AKAP7: variants seen among roughly 807,000 people sequenced by gnomAD.
AKAP7 encodes A kinase (PRKA) anchor protein 7.
AKAP7 carries 39 observed loss-of-function variants against 39.5 expected under a neutral mutation model. That is an observed-to-expected ratio of 0.99 (90% CI 0.76 to 1.29). AKAP7 has a LOEUF of 1.29. AKAP7 is among the 50% of genes most tolerant of loss of function. The pLI, the probability that AKAP7 is intolerant of heterozygous loss-of-function variation, is 0.00. For synonymous variants in AKAP7, 140 were observed against 139.1 expected (o/e 1.01, Z -0.05); for missense variants, 414 against 407.7 (o/e 1.02, Z -0.13).
Position 131,160,516 on chromosome 6 carries a change from C to T in AKAP7, c.291+318C>T, listed in dbSNP as rs75072445. Among the ~76,000 whole-genome samples, 1,770 of 152,256 alleles carry T rather than the reference C, an allele frequency of 0.012. 122 individuals carry two copies. In the East Asian group the frequency reaches 0.18, roughly 15 times the overall value. Reference sequence around the variant, plus strand: ...ACCTCAGCCTCCAAAAATATTTAGACAATCATATTTAAACGGTAATTTTGC... The same window carrying T: ...ACCTCAGCCTCCAAAAATATTTAGATAATCATATTTAAACGGTAATTTTGC... On this transcript the variant is annotated intron_variant, in intron 3 of 7. Coordinates refer to ENST00000431975, the MANE Select transcript of AKAP7 (RefSeq NM_016377.4).
chr6:131,190,125 A>G (rs1806265512), intron 5 of AKAP7, among the ~76,000 whole-genome samples: 1 of 152,218 alleles, frequency 6.6e-6, no homozygotes, highest in Non-Finnish European at 1.5e-5. Context: ...GGAATATAAA[A>G]TCAGTATTAA....
intron 5 of AKAP7, among the ~76,000 whole-genome samples, chr6:131,185,991 T>C (rs1386716867): frequency 6.6e-6 from 1 of 152,224 alleles, no homozygotes; most frequent in Non-Finnish European, 1.5e-5. Context: ...TTAATTTTTG[T>C]ATATGGTGTA....
chr6:131,205,233 C>T (rs888475770), intron 6 of AKAP7, among the ~76,000 whole-genome samples: 1 of 151,850 alleles, frequency 6.6e-6, no homozygotes, highest in African/African-American at 2.4e-5. Flanking sequence ...TAAAAAGTAA[C>T]CTGAAAAGCT....
At chr6:131,129,090 C>T in the AKAP7 span, among the ~76,000 whole-genome samples, 1 of 151,912 alleles carries the variant, frequency 6.6e-6, no homozygotes, top group Non-Finnish European at 1.5e-5. Context: ...AGTTCGGGAC[C>T]AGCCTAGCCA....
chr6:131,263,532 A>T (rs191301317), intron 7 of AKAP7, among the ~76,000 whole-genome samples: 5 of 152,206 alleles, frequency 3.3e-5, no homozygotes, highest in Non-Finnish European at 5.9e-5. Flanking sequence ...TTTGTGTGTT[A>T]TGGTGTAAAG....
chr6:131,231,166 ACT>A (rs564699435), intron 7 of AKAP7, among the ~76,000 whole-genome samples: 2 of 152,066 alleles, frequency 1.3e-5, no homozygotes, highest in African/African-American at 2.4e-5. Context: ...TGGTTTGATA[ACT>A]CTCTAATTTT....
the AKAP7 span, among the ~76,000 whole-genome samples, chr6:131,129,741 T>G: frequency 2.0e-5 from 3 of 152,232 alleles, no homozygotes; most frequent in Non-Finnish European, 4.4e-5. Flanking sequence ...GCTTACATGT[T>G]AAACACATAT....
intron 7 of AKAP7, among the ~76,000 whole-genome samples, chr6:131,227,408 T>C (rs767298336): frequency 1.1e-4 from 17 of 152,114 alleles, no homozygotes; most frequent in Non-Finnish European, 2.5e-4. Context: ...GGGATGGACA[T>C]AGTTACATAC....
In AKAP7 at chr6:131,281,383, C is replaced by A; in HGVS notation, c.851-147C>A. 1 of 578,544 alleles carries A rather than the reference C, an allele frequency of 1.7e-6. No individual in the cohort carries two copies. The highest frequency in any genetic ancestry group is 2.8e-6 in the Non-Finnish European group (1 of 355,670). 35.8% of individuals were successfully genotyped at this position (578,544 alleles called of 1,614,324 possible). On this transcript the variant is annotated intron_variant, in intron 7 of 7. Transcript: ENST00000431975. This position sits in a 1 kb window ranked among gnomAD's most constrained non-coding sequence, Gnocchi z 4.0. ...GACAGGCTCCTGCTTCTGCAAATACCAAATGAAAAGCCAACCCACTGTTCT... is the reference window on the plus strand; with the variant it reads ...GACAGGCTCCTGCTTCTGCAAATACAAAATGAAAAGCCAACCCACTGTTCT...
intron 3 of AKAP7, among the ~76,000 whole-genome samples, chr6:131,162,513 C>T (rs1330861991): frequency 2.0e-5 from 3 of 152,164 alleles, no homozygotes; most frequent in Non-Finnish European, 4.4e-5. Context: ...GGTGATAATA[C>T]CTCCTTTAGA....
intron 7 of AKAP7, among the ~76,000 whole-genome samples, chr6:131,267,404 G>A (rs561211050): frequency 1.6e-4 from 25 of 152,228 alleles, no homozygotes; most frequent in African/African-American, 5.3e-4. Flanking sequence ...TTTCTTTAGC[G>A]TTATACTTCA....
chr6:131,160,042 T>C lies in AKAP7; in HGVS notation c.152-17T>C. 6.4e-7 allele frequency: 1 copy of C among 1,568,326 alleles called. No individual in the cohort carries two copies. Among genetic ancestry groups the C allele is most frequent in the Middle Eastern group, 1.7e-4 (1 of 5,846 alleles). On this transcript the variant is annotated splice_polypyrimidine_tract_variant and intron_variant, in intron 2 of 7. Coordinates refer to ENST00000431975, the MANE Select transcript of AKAP7 (RefSeq NM_016377.4). ...GTTTAAATGTATTAGACGTATTGTT[T>C]GACTTTTTTCCTCTAGTCACTGATG...
the AKAP7 span, among the ~76,000 whole-genome samples, chr6:131,125,724 A>G: frequency 6.6e-6 from 1 of 152,210 alleles, no homozygotes; most frequent in Admixed American, 6.5e-5. Context: ...TTGTAACCAC[A>G]CCACCAGCAG....
rs1815222977 is a variant in AKAP7 at position 131,281,827 on chromosome 6, C to T, written c.*101C>T. On this transcript the variant is annotated 3_prime_UTR_variant, in exon 8 of 8. Coordinates refer to ENST00000431975, the MANE Select transcript of AKAP7 (RefSeq NM_016377.4). The surrounding 1 kb of genome is among the most constrained non-coding windows in gnomAD (Gnocchi z 4.0). ...AGCGTGCTGTTTAAGTTAAGTTTCT[C>T]TGGTGCAATCTGTGAAGATTGCCTA... The T allele has an allele frequency of 1.5e-6, 2 of 1,346,902 alleles. No homozygotes were observed. The highest frequency in any genetic ancestry group is 1.9e-6 in the Non-Finnish European group (2 of 1,043,784). The allele number at this position is 1,346,902 out of a possible 1,614,324, so 83.4% of individuals were successfully genotyped here.
rs143545210 is a variant in AKAP7, at chr6:131,180,025, G to T, written c.589+10752G>T. ...CCACACTCAGAGCCTTGGCTCGGCA[G>T]GTCCACTGCTTCTGCTCAGTTTTCC... On this transcript the variant is annotated intron_variant, in intron 5 of 7. Coordinates refer to ENST00000431975, the MANE Select transcript of AKAP7 (RefSeq NM_016377.4). 6.4e-4 allele frequency among the ~76,000 whole-genome samples: 97 copies of T among 152,300 alleles called. 1 individual carries two copies. The East Asian group carries it at 0.015, about 24-fold the overall frequency.
intron 7 of AKAP7, chr6:131,250,525 C>G (rs1157203100): frequency 6.2e-7 from 1 of 1,613,402 alleles, no homozygotes. Context: ...ATTTGGGGTC[C>G]TCACGGAGAA....
intron 4 of AKAP7, among the ~76,000 whole-genome samples, chr6:131,166,951 C>CT (rs760121086): frequency 1.5e-5 from 2 of 137,928 alleles, no homozygotes; most frequent in Non-Finnish European, 3.2e-5. Context: ...TGTGCAGATA[C>CT]TTAAAAAAAT....
intron 5 of AKAP7, among the ~76,000 whole-genome samples, chr6:131,178,963 C>T (rs576849948): frequency 5.9e-5 from 9 of 152,192 alleles, no homozygotes; most frequent in Admixed American, 3.9e-4. Context: ...TCAACAGAGT[C>T]TTTTCTGCCA....
intron 7 of AKAP7, among the ~76,000 whole-genome samples, chr6:131,256,713 T>TAA (rs1812887724): frequency 6.6e-6 from 1 of 150,772 alleles, no homozygotes; most frequent in African/African-American, 2.4e-5. Context: ...TGGGACATTA[T>TAA]TATTATTATT....
Sources: allele counts gnomAD v4.1 joint callset (sites outside exome capture counted in the v4.1 genomes callset), GRCh38; gene constraint gnomAD v4.1.1; non-coding constraint Gnocchi (gnomAD v3.1); transcripts MANE v1.5; gene names NCBI Gene and HGNC (gene_info 2026-07-23, HGNC 2026-07-21).